Variants in DPYD observed in about 807,000 individuals in gnomAD.
DPYD encodes dihydropyrimidine dehydrogenase [NADP(+)].
A neutral mutation model predicts 116.2 loss-of-function variants in DPYD; 109 were observed. The observed-to-expected ratio is 0.94, with a 90% confidence interval of 0.80 to 1.10. The LOEUF is 1.10. Among genes scored for constraint, DPYD ranks in the 50% least tolerant of loss-of-function variants. DPYD has a pLI of 0.00. For missense variants in DPYD, 1,302 were observed against 1,254.5 expected, an observed-to-expected ratio of 1.04 and a Z score of -0.57; for synonymous variants, 440 against 432.0, an observed-to-expected ratio of 1.02 and a Z score of -0.23.
intron 18 of DPYD, among the ~76,000 whole-genome samples, chr1:97,277,341 T>C (rs1665002169): frequency 1.3e-5 from 2 of 151,386 alleles, no homozygotes; most frequent in Admixed American, 1.3e-4. Flanking sequence ...GACCTGCACG[T>C]GTACCCTTGA....
intron 20 of DPYD, among the ~76,000 whole-genome samples, chr1:97,152,276 G>T (rs868632512): frequency 6.6e-6 from 1 of 152,104 alleles, no homozygotes; most frequent in Non-Finnish European, 1.5e-5. Context: ...ATATCTAAAC[G>T]AGATTTAAGA....
At chr1:97,524,061 G>T (rs1209531746) in intron 12 of DPYD, among the ~76,000 whole-genome samples, 5 of 151,734 alleles carry the variant, frequency 3.3e-5, no homozygotes, top group African/African-American at 1.2e-4. Flanking sequence ...AGAAGATACC[G>T]CAAAGGTGTC....
chr1:97,420,702 A>T (rs1674535250), intron 14 of DPYD, among the ~76,000 whole-genome samples: 1 of 152,120 alleles, frequency 6.6e-6, no homozygotes, highest in Non-Finnish European at 1.5e-5. Context: ...CTCAGGCAGT[A>T]CAGAGCCATT....
chr1:97,898,344 C>T (rs1673185991), intron 1 of DPYD, among the ~76,000 whole-genome samples: 4 of 151,842 alleles, frequency 2.6e-5, no homozygotes, highest in Admixed American at 2.6e-4. Context: ...GTTCTACAAA[C>T]TCTAGCTTCC....
chr1:97,443,501 G>T (rs1675914073), intron 14 of DPYD, among the ~76,000 whole-genome samples: 1 of 152,122 alleles, frequency 6.6e-6, no homozygotes, highest in South Asian at 2.1e-4. Context: ...ATCAGCATGG[G>T]ACTGTGTAGA....
intron 10 of DPYD, among the ~76,000 whole-genome samples, chr1:97,574,193 G>A (rs1270394148): frequency 6.6e-6 from 1 of 152,026 alleles, no homozygotes; most frequent in Non-Finnish European, 1.5e-5. Flanking sequence ...TATAGATCAC[G>A]GCATCATAAG....
At chr1:97,748,905 C>T (rs1352203307) in intron 3 of DPYD, among the ~76,000 whole-genome samples, 1 of 152,150 alleles carries the variant, frequency 6.6e-6, no homozygotes, top group East Asian at 1.9e-4. Context: ...GGTTGGACAA[C>T]ACAATGTACT....
At chr1:97,845,553 C>G (rs918514848) in intron 2 of DPYD, among the ~76,000 whole-genome samples, 1 of 152,184 alleles carries the variant, frequency 6.6e-6, no homozygotes, top group Non-Finnish European at 1.5e-5. Context: ...CAGTGAAGCT[C>G]CTTTCTACCT....
chr1:97,098,548 CTACATTTT>C lies in DPYD; in HGVS notation c.2699_2706del (p.Gln900ArgfsTer6). 1 of 1,613,166 alleles carries C rather than the reference CTACATTTT, an allele frequency of 6.2e-7. No individual in the cohort carries two copies. The highest frequency in any genetic ancestry group is 8.5e-7 in the Non-Finnish European group (1 of 1,179,470). On this transcript the variant is annotated frameshift_variant, in exon 21 of 23. Coordinates refer to ENST00000370192, the MANE Select transcript of DPYD (RefSeq NM_000110.4). LOFTEE classifies it high-confidence loss of function. ...CAGTTTCTCTTAAGTGGTGAAAAAG[CTACATTTT>C]GTTCTTTCAGTCTAATCTTGTTTTC...
intron 14 of DPYD, among the ~76,000 whole-genome samples, chr1:97,405,322 T>C (rs924496733): frequency 6.6e-6 from 1 of 152,102 alleles, no homozygotes; most frequent in Non-Finnish European, 1.5e-5. Context: ...CTGGCCTATA[T>C]AGTTTTCCTT....
chr1:97,591,564 A>G (rs1654523164), intron 10 of DPYD, among the ~76,000 whole-genome samples: 1 of 152,218 alleles, frequency 6.6e-6, no homozygotes, highest in Admixed American at 6.5e-5. Flanking sequence ...TACCTAAGAC[A>G]GAAGAAATAA....
chr1:97,470,164 T>C (rs1191604030), intron 13 of DPYD, among the ~76,000 whole-genome samples: 1 of 152,162 alleles, frequency 6.6e-6, no homozygotes, highest in East Asian at 1.9e-4. Context: ...TTTTTTGATA[T>C]GATGGGGCAG....
chr1:97,557,203 GT>G (rs1387450562), intron 11 of DPYD, among the ~76,000 whole-genome samples: 1 of 150,222 alleles, frequency 6.7e-6, no homozygotes, highest in African/African-American at 2.5e-5. Context: ...TGATGGGGCT[GT>G]TTGTTTTTTT....
chr1:97,809,294 A>C (rs929003057), intron 3 of DPYD, among the ~76,000 whole-genome samples: 1 of 152,164 alleles, frequency 6.6e-6, no homozygotes, highest in Non-Finnish European at 1.5e-5. Context: ...CTACCTCTCC[A>C]ACACATACAC....
chr1:97,129,674 T>C (rs1225753735), intron 20 of DPYD, among the ~76,000 whole-genome samples: 2 of 152,192 alleles, frequency 1.3e-5, no homozygotes, highest in East Asian at 3.8e-4. Flanking sequence ...CAGTCTCTTT[T>C]AATGCTAGGC....
intron 20 of DPYD, among the ~76,000 whole-genome samples, chr1:97,125,160 C>G (rs1652740695): frequency 6.6e-6 from 1 of 152,018 alleles, no homozygotes; most frequent in Non-Finnish European, 1.5e-5. Flanking sequence ...CTTGCAGTGG[C>G]AACTGGATTT....
chr1:97,362,730 T>A (rs986581013), intron 16 of DPYD, among the ~76,000 whole-genome samples: 1 of 152,178 alleles, frequency 6.6e-6, no homozygotes. Context: ...TAAATGGTTC[T>A]GGGAAAACTG....
chr1:97,290,048 AACAG>A lies in DPYD; in HGVS notation c.2299+15207_2299+15210del, dbSNP rs553396990. Among the ~76,000 whole-genome samples the A allele has an allele frequency of 8.3e-4, 126 of 152,282 alleles. 2 individuals are homozygous for A. The highest frequency in any genetic ancestry group is 2.8e-3 in the African/African-American group (118 of 41,554). ...ATCACAAGCATTCTTATACACCAATAACAGACAGAGAGCCAAATCATGAGTGAAC... is the reference window on the plus strand; with the variant it reads ...ATCACAAGCATTCTTATACACCAATAACAGAGAGCCAAATCATGAGTGAAC... On this transcript the variant is annotated intron_variant, in intron 18 of 22. Coordinates refer to ENST00000370192, the MANE Select transcript of DPYD (RefSeq NM_000110.4).
intron 8 of DPYD, among the ~76,000 whole-genome samples, chr1:97,599,020 T>A (rs1286704529): frequency 6.6e-6 from 1 of 152,230 alleles, no homozygotes; most frequent in African/African-American, 2.4e-5. Context: ...ATTCAACATG[T>A]ATGTATTAAG....
Sources: gnomAD v4.1 joint callset for allele counts (sites outside exome capture counted in the v4.1 genomes callset) on GRCh38, gnomAD v4.1.1 for gene constraint, MANE v1.5 for transcripts, NCBI Gene and HGNC (gene_info 2026-07-23, HGNC 2026-07-21) for gene names.